VAT1L: variants seen among roughly 807,000 people sequenced by gnomAD.
VAT1L encodes vesicle amine transport 1 like.
In VAT1L, 34 loss-of-function variants were observed where a neutral mutation model predicts 44.1. That is an observed-to-expected ratio of 0.77 (90% CI 0.59 to 1.03). The LOEUF (loss-of-function observed/expected upper bound fraction) is 1.03. VAT1L is among the 50% of genes least tolerant of loss of function. The pLI, the probability that VAT1L is intolerant of heterozygous loss-of-function variation, is 0.00. For missense variants in VAT1L, 615 were observed against 538.8 expected, an observed-to-expected ratio of 1.14 and a Z score of -1.40; for synonymous variants, 253 against 202.2, an observed-to-expected ratio of 1.25 and a Z score of -2.13.
At chr16:77,828,474 G>A (rs919871919) in intron 3 of VAT1L, among the ~76,000 whole-genome samples, 4 of 152,090 alleles carry the variant, frequency 2.6e-5, no homozygotes, top group Non-Finnish European at 5.9e-5. Context: ...GACCAGCCTG[G>A]CCAACGTGGA....
chr16:77,977,813 G>A lies in VAT1L; in HGVS notation c.*118G>A, dbSNP rs141077115. ...AGTCCAGTGCGTGTCGTGTTTGTCT[G>A]CAGTCAGCTGAGCTAAAAAGCTGTT... On this transcript the variant is annotated 3_prime_UTR_variant, in exon 9 of 9. Transcript: ENST00000302536. 6.7e-5 allele frequency: 66 copies of A among 988,164 alleles called. No homozygotes were observed. The African/African-American group carries it at 8.0e-4, about 12-fold the overall frequency. The allele number at this position is 988,164 out of a possible 1,614,324, so 61.2% of individuals were successfully genotyped here.
At chr16:77,902,733 G>T (rs112395171) in intron 7 of VAT1L, among the ~76,000 whole-genome samples, 52 of 5,104 alleles carry the variant, frequency 0.01, 2 homozygotes, top group East Asian at 0.028. Flanking sequence ...ATGGGGGGGT[G>T]GGGGGGGTGT....
intron 1 of VAT1L, among the ~76,000 whole-genome samples, chr16:77,795,376 C>T (rs17717184): frequency 0.16 from 24,633 of 151,482 alleles, 2,156 homozygotes; most frequent in East Asian, 0.35. Flanking sequence ...AAAATAAAAG[C>T]GAAGTAAATG....
rs114374576 is a variant in VAT1L, at chr16:77,977,797, C to T, written c.*102C>T. The stretch of plus-strand genomic sequence containing the variant: ...AGTGAACAAATGCTGTAGTCCAGTG[C>T]GTGTCGTGTTTGTCTGCAGTCAGCT... On this transcript the variant is annotated 3_prime_UTR_variant, in exon 9 of 9. Coordinates refer to ENST00000302536, the MANE Select transcript of VAT1L (RefSeq NM_020927.3). The T allele has an allele frequency of 4.5e-4, 524 of 1,156,902 alleles. No individual in the cohort carries two copies. The African/African-American group carries it at 6.8e-3, about 15-fold the overall frequency. The allele number at this position is 1,156,902 out of a possible 1,614,324, so 71.7% of individuals were successfully genotyped here.
At chr16:77,810,692 T>C (rs1164630032) in intron 1 of VAT1L, among the ~76,000 whole-genome samples, 3 of 151,766 alleles carry the variant, frequency 2.0e-5, no homozygotes, top group East Asian at 1.9e-4. Context: ...AAAAATGATA[T>C]AGAGAATGAA....
intron 6 of VAT1L, among the ~76,000 whole-genome samples, chr16:77,880,233 T>A (rs2017135674): frequency 6.6e-6 from 1 of 152,082 alleles, no homozygotes; most frequent in Non-Finnish European, 1.5e-5. Flanking sequence ...CTCGGCTCAC[T>A]GCAACCTCCA....
chr16:77,827,820 A>G (rs1239449720), intron 3 of VAT1L, among the ~76,000 whole-genome samples: 3 of 152,230 alleles, frequency 2.0e-5, no homozygotes, highest in African/African-American at 7.2e-5. Flanking sequence ...GTGAAATGCA[A>G]TAAACATCCT....
chr16:77,975,725 G>C (rs2018332801), intron 8 of VAT1L, among the ~76,000 whole-genome samples: 1 of 152,214 alleles, frequency 6.6e-6, no homozygotes, highest in Non-Finnish European at 1.5e-5. Context: ...AATGAGGCTG[G>C]ACCAAAGCAA....
intron 3 of VAT1L, among the ~76,000 whole-genome samples, chr16:77,858,174 G>A (rs1209724620): frequency 1.3e-5 from 2 of 152,138 alleles, no homozygotes; most frequent in African/African-American, 2.4e-5. Flanking sequence ...TGGTGGTCAC[G>A]CTTCGGGAGA....
chr16:77,857,946 C>G (rs1463347130), intron 3 of VAT1L, among the ~76,000 whole-genome samples: 2 of 151,772 alleles, frequency 1.3e-5, no homozygotes, highest in East Asian at 3.9e-4. Context: ...TACTCCAACT[C>G]TACAACACTA....
chr16:77,799,205 C>T (rs923493112), intron 1 of VAT1L, among the ~76,000 whole-genome samples: 1 of 151,892 alleles, frequency 6.6e-6, no homozygotes, highest in South Asian at 2.1e-4. Flanking sequence ...CTTCCTCTCC[C>T]GGTCCTCCTC....
intron 3 of VAT1L, among the ~76,000 whole-genome samples, chr16:77,825,918 G>A (rs1475137742): frequency 6.6e-6 from 1 of 150,704 alleles, no homozygotes; most frequent in Non-Finnish European, 1.5e-5. Context: ...AGCTACTCGG[G>A]AGGCTGAGGC....
chr16:77,962,387 C>G (rs986152580), intron 7 of VAT1L, among the ~76,000 whole-genome samples: 1 of 151,974 alleles, frequency 6.6e-6, no homozygotes, highest in African/African-American at 2.4e-5. Flanking sequence ...TGGCTTCAAC[C>G]AAAGGGAGCC....
chr16:77,977,594 C>T lies in VAT1L; in HGVS notation c.1162-3C>T. The T allele has an allele frequency of 6.2e-7, 1 of 1,613,872 alleles. No individual in the cohort carries two copies. Among genetic ancestry groups the T allele is most frequent in the South Asian group, 1.1e-5 (1 of 91,036 alleles). On this transcript the variant is annotated splice_region_variant and splice_polypyrimidine_tract_variant and intron_variant, in intron 8 of 8. Coordinates refer to ENST00000302536, the MANE Select transcript of VAT1L (RefSeq NM_020927.3). Reference sequence around the variant, plus strand: ...CTCAATAACATCCTCTTTTGAATTACAGATGGCCAATGACAGCACAGAGAC... The same window carrying T: ...CTCAATAACATCCTCTTTTGAATTATAGATGGCCAATGACAGCACAGAGAC...
chr16:77,938,732 T>G (rs368766667), intron 7 of VAT1L, among the ~76,000 whole-genome samples: 21 of 152,314 alleles, frequency 1.4e-4, no homozygotes, highest in African/African-American at 5.1e-4. Flanking sequence ...CATGAGCCAA[T>G]TAAACCTCTT....
chr16:77,928,768 A>T (rs61061512), intron 7 of VAT1L, among the ~76,000 whole-genome samples: 1 of 131,670 alleles, frequency 7.6e-6, no homozygotes, highest in African/African-American at 2.8e-5. Flanking sequence ...TTTTTTTTTT[A>T]AATGACTGTT....
intron 7 of VAT1L, among the ~76,000 whole-genome samples, chr16:77,906,221 T>C (rs2017435076): frequency 6.6e-6 from 1 of 152,212 alleles, no homozygotes; most frequent in African/African-American, 2.4e-5. Context: ...GTTGAGAGCC[T>C]GGAGGGAGAG....
chr16:77,935,437 C>T (rs1024326523), intron 7 of VAT1L, among the ~76,000 whole-genome samples: 2 of 150,514 alleles, frequency 1.3e-5, no homozygotes, highest in African/African-American at 4.9e-5. Flanking sequence ...TTTCAAATAC[C>T]TTCCAATTAG....
In VAT1L at chr16:77,897,664, G is replaced by A. The variant is rs552616778; in HGVS notation, c.1077+12862G>A. On this transcript the variant is annotated intron_variant, in intron 7 of 8. Transcript: ENST00000302536. ...AATTTTTGTATTTTTTAGCAGAGTC[G>A]GGGTTTCACCATGTTGGCCAGGCTG... Among the ~76,000 whole-genome samples the A allele has an allele frequency of 3.3e-5, 5 of 152,144 alleles. No individual in the cohort carries two copies. In the East Asian group the frequency reaches 5.8e-4, roughly 18 times the overall value.
Sources: allele counts gnomAD v4.1 joint callset (sites outside exome capture counted in the v4.1 genomes callset), GRCh38; gene constraint gnomAD v4.1.1; transcripts MANE v1.5; gene names NCBI Gene and HGNC (gene_info 2026-07-23, HGNC 2026-07-21).